The following TINAG variants were observed in gnomAD, a reference collection of about 807,000 sequenced individuals.
TINAG encodes the protein tubulointerstitial nephritis antigen.
A neutral mutation model predicts 72.7 loss-of-function variants in TINAG; 83 were observed. That is an observed-to-expected ratio of 1.14 (90% CI 0.96 to 1.37). TINAG has a LOEUF of 1.37. TINAG is among the 40% of genes most tolerant of loss of function. TINAG has a pLI of 0.00. For missense variants in TINAG, 685 were observed against 576.6 expected, an observed-to-expected ratio of 1.19 and a Z score of -1.93; for synonymous variants, 234 against 189.9, an observed-to-expected ratio of 1.23 and a Z score of -1.91.
In TINAG at chr6:54,350,285, T is replaced by G. The variant is rs182980087; in HGVS notation, c.1080+389T>G. 2.6e-4 allele frequency among the ~76,000 whole-genome samples: 39 copies of G among 152,116 alleles called. 1 individual carries two copies. The highest frequency in any genetic ancestry group is 8.4e-4 in the African/African-American group (35 of 41,534). On this transcript the variant is annotated intron_variant, in intron 7 of 10. Transcript: ENST00000259782. ...CTCAACAAAATAATTTAAGAGGACC[T>G]GGGTCTAATAGAAAAAAGAGTCCCT...
chr6:54,357,455 C>T (rs1300042106), intron 9 of TINAG, among the ~76,000 whole-genome samples: 1 of 151,852 alleles, frequency 6.6e-6, no homozygotes, highest in Non-Finnish European at 1.5e-5. Flanking sequence ...ACCTGGATAC[C>T]TTATTAGGGA....
chr6:54,370,245 G>A (rs1763562852), intron 9 of TINAG, among the ~76,000 whole-genome samples: 1 of 152,008 alleles, frequency 6.6e-6, no homozygotes. Flanking sequence ...CTTAAGTCCT[G>A]ACAAATATGA....
chr6:54,365,482 A>G (rs1266069374), intron 9 of TINAG: 1 of 151,486 alleles, frequency 6.6e-6, no homozygotes, highest in African/African-American at 2.4e-5. Flanking sequence ...TTCTTGATCT[A>G]TCATCTGTGA....
intron 1 of TINAG, among the ~76,000 whole-genome samples, chr6:54,312,542 G>A (rs963353441): frequency 1.3e-4 from 19 of 151,958 alleles, no homozygotes; most frequent in South Asian, 4.2e-4. Context: ...GGTTTCTACC[G>A]TTTTTGCTAC....
At chr6:54,350,082 A>T (rs1157677637) in intron 7 of TINAG, among the ~76,000 whole-genome samples, 186 bp downstream of exon 7, 1 of 152,016 alleles carries the variant, frequency 6.6e-6, no homozygotes, top group East Asian at 1.9e-4. Flanking sequence ...TCTTTGTAAC[A>T]TTAGCAGTGT....
chr6:54,329,271 A>G (rs1582707508), intron 4 of TINAG, among the ~76,000 whole-genome samples: 1 of 152,308 alleles, frequency 6.6e-6, no homozygotes, highest in East Asian at 1.9e-4. Flanking sequence ...CTAAAAGTGG[A>G]TGTCTCTGCA....
chr6:54,321,199 A>G, intron 2 of TINAG, 98 bp from the exon 3 acceptor site: 1 of 922,604 alleles, frequency 1.1e-6, no homozygotes, highest in Non-Finnish European at 1.7e-6. Context: ...TTAATCAAGA[A>G]ATTATGTTTT....
At chr6:54,372,882 T>A (rs1459173357) in intron 9 of TINAG, among the ~76,000 whole-genome samples, 5 of 151,784 alleles carry the variant, frequency 3.3e-5, no homozygotes, top group Non-Finnish European at 7.4e-5. Context: ...CACAGAAATA[T>A]CTAGGATATT....
chr6:54,359,898 C>G (rs1031175128), intron 9 of TINAG, among the ~76,000 whole-genome samples: 1 of 151,590 alleles, frequency 6.6e-6, no homozygotes, highest in East Asian at 1.9e-4. Context: ...AGTAAATATT[C>G]CTTATCAGAG....
chr6:54,339,040 G>A (rs1784936306), intron 4 of TINAG, among the ~76,000 whole-genome samples: 1 of 152,068 alleles, frequency 6.6e-6, no homozygotes, highest in African/African-American at 2.4e-5. Flanking sequence ...TCCATTTTCA[G>A]ATGCATATTT....
intron 4 of TINAG, among the ~76,000 whole-genome samples, chr6:54,337,335 C>T (rs575786184): frequency 8.3e-4 from 124 of 149,058 alleles, no homozygotes; most frequent in African/African-American, 2.7e-3. Context: ...TTCCTGCAAC[C>T]TCTGCCTCCT....
intron 4 of TINAG, among the ~76,000 whole-genome samples, chr6:54,334,964 T>C (rs777194372): frequency 7.9e-5 from 12 of 152,164 alleles, no homozygotes; most frequent in Non-Finnish European, 1.6e-4. Flanking sequence ...TTTTCTGTTT[T>C]ATTTCTCATT....
intron 1 of TINAG, among the ~76,000 whole-genome samples, chr6:54,318,131 T>C (rs943051737): frequency 6.6e-6 from 1 of 152,130 alleles, no homozygotes; most frequent in African/African-American, 2.4e-5. Flanking sequence ...CTCTTACCTA[T>C]ATACACTCTC....
chr6:54,386,764 C>T (rs1764110835), intron 10 of TINAG, among the ~76,000 whole-genome samples: 1 of 150,096 alleles, frequency 6.7e-6, no homozygotes. Context: ...TAAATACAGA[C>T]AAAAACAATT....
chr6:54,331,001 A>C (rs1205770948), intron 4 of TINAG, among the ~76,000 whole-genome samples: 2 of 152,092 alleles, frequency 1.3e-5, no homozygotes, highest in Non-Finnish European at 2.9e-5. Flanking sequence ...GGACCAGACG[A>C]ATTCATAGCC....
intron 1 of TINAG, among the ~76,000 whole-genome samples, chr6:54,318,130 A>G (rs549686811): frequency 6.6e-6 from 1 of 152,128 alleles, no homozygotes; most frequent in South Asian, 2.1e-4. Flanking sequence ...TCTCTTACCT[A>G]TATACACTCT....
chr6:54,348,871 C>G (rs1785193129), intron 6 of TINAG, among the ~76,000 whole-genome samples: 1 of 152,080 alleles, frequency 6.6e-6, no homozygotes, highest in African/African-American at 2.4e-5. Flanking sequence ...GTTCTTTCCT[C>G]AGATTCTCAT....
intron 5 of TINAG, 45 bp from the exon 6 acceptor site, chr6:54,347,322 T>C: frequency 6.3e-7 from 1 of 1,597,798 alleles, no homozygotes; most frequent in Non-Finnish European, 8.5e-7. Flanking sequence ...TTATTAGAAA[T>C]ACCGTGTATC....
At chr6:54,332,057 G>C (rs62412588) in intron 4 of TINAG, among the ~76,000 whole-genome samples, 18,114 of 152,150 alleles carry the variant, frequency 0.12, 1,248 homozygotes, top group African/African-American at 0.18. Context: ...GTTATTTATA[G>C]ATTCCATGCT....
Sources: gnomAD v4.1 joint callset for allele counts (sites outside exome capture counted in the v4.1 genomes callset) on GRCh38, gnomAD v4.1.1 for gene constraint, MANE v1.5 for transcripts, NCBI Gene and HGNC (gene_info 2026-07-23, HGNC 2026-07-21) for gene names.